NDUFA10: variants seen among roughly 807,000 people sequenced by gnomAD.
NDUFA10 encodes the protein NADH dehydrogenase [ubiquinone] 1 alpha subcomplex subunit 10, mitochondrial.
Under a neutral mutation model 47.8 loss-of-function variants are expected in NDUFA10, and 40 were observed. The observed-to-expected ratio is 0.84, with a 90% CI of 0.65 to 1.09. The LOEUF (loss-of-function observed/expected upper bound fraction) is 1.09. NDUFA10 is among the 50% of genes least tolerant of loss of function. NDUFA10 has a pLI of 0.00. For synonymous variants in NDUFA10, 183 were observed against 172.2 expected (o/e 1.06, Z -0.49); for missense variants, 413 against 451.1 (o/e 0.92, Z 0.76).
chr2:240,025,087 G>C, intron 1 of NDUFA10, 140 bp downstream of exon 1: 1 of 795,262 alleles, frequency 1.3e-6, no homozygotes, highest in Non-Finnish European at 1.8e-6. Context: ...AATTCCGGAG[G>C]CAGGAGGGGT....
At chr2:240,000,255 T>C (rs1323516134) in intron 8 of NDUFA10, among the ~76,000 whole-genome samples, 2 of 152,096 alleles carry the variant, frequency 1.3e-5, no homozygotes, top group Non-Finnish European at 2.9e-5. Flanking sequence ...GGCATCATTG[T>C]CACAGGAGGT....
intron 2 of NDUFA10, among the ~76,000 whole-genome samples, chr2:240,021,740 G>A (rs1697632026): frequency 6.6e-6 from 1 of 152,216 alleles, no homozygotes; most frequent in African/African-American, 2.4e-5. Context: ...TGGACACTCA[G>A]CTGCACCAGG....
intron 9 of NDUFA10, among the ~76,000 whole-genome samples, chr2:239,962,064 A>G (rs938676356): frequency 6.6e-5 from 10 of 152,202 alleles, no homozygotes; most frequent in Non-Finnish European, 2.9e-5. Flanking sequence ...CTGAGACGGA[A>G]AGAGGAGTGT....
chr2:239,952,049 C>T (rs1376737923), intron 4 of NDUFA10, among the ~76,000 whole-genome samples: 2 of 151,904 alleles, frequency 1.3e-5, no homozygotes, highest in Non-Finnish European at 2.9e-5. Flanking sequence ...TGCCTGAAGT[C>T]CCACACCCAC....
At chr2:239,941,304 G>A (rs1415010185) in intron 4 of NDUFA10, among the ~76,000 whole-genome samples, 2 of 152,200 alleles carry the variant, frequency 1.3e-5, no homozygotes, top group Non-Finnish European at 2.9e-5. Flanking sequence ...CAATGGGAGT[G>A]GCACATAGGG....
At chr2:239,914,706 T>C (rs193047328) in intron 4 of NDUFA10, among the ~76,000 whole-genome samples, 5 of 18,938 alleles carry the variant, frequency 2.6e-4, no homozygotes, top group Non-Finnish European at 3.5e-4. Flanking sequence ...AGAGAACACA[T>C]ACATAGACAC....
intron 4 of NDUFA10, among the ~76,000 whole-genome samples, chr2:239,937,357 G>T (rs1411865814): frequency 6.6e-6 from 1 of 152,162 alleles, no homozygotes; most frequent in East Asian, 1.9e-4. Context: ...CATGCCCATG[G>T]ACAGTCACTG....
rs547111542 is a variant in NDUFA10, at chr2:239,915,119, C to T, written c.295-19805G>A. 1.5e-4 allele frequency among the ~76,000 whole-genome samples: 15 copies of T among 97,614 alleles called. No individual in the cohort carries two copies. The East Asian group carries it at 3.6e-3, about 23-fold the overall frequency. 64.0% of individuals were successfully genotyped at this position (97,614 alleles called of 152,430 possible). On this transcript the variant is annotated intron_variant, in intron 4 of 5. Coordinates refer to the NDUFA10 transcript ENST00000419408. Reference sequence around the variant, plus strand: ...TACACAAACATACACACACACAGAACACACACATACACAGACACACACAAA... The same window carrying T: ...TACACAAACATACACACACACAGAATACACACATACACAGACACACACAAA...
At chr2:240,010,046 A>G (rs1404215348) in intron 6 of NDUFA10, among the ~76,000 whole-genome samples, 2 of 152,248 alleles carry the variant, frequency 1.3e-5, no homozygotes, top group African/African-American at 4.8e-5. Flanking sequence ...TTCTATGAGA[A>G]AACTTTTAAG....
chr2:239,934,000 G>A (rs1024441056), intron 4 of NDUFA10, among the ~76,000 whole-genome samples: 2 of 152,118 alleles, frequency 1.3e-5, no homozygotes, highest in African/African-American at 4.8e-5. Flanking sequence ...TGGGACTACA[G>A]GTGCACACTG....
At chr2:240,009,189 C>G (rs1263894896) in intron 6 of NDUFA10, among the ~76,000 whole-genome samples, 1 of 152,220 alleles carries the variant, frequency 6.6e-6, no homozygotes, top group African/African-American at 2.4e-5. Context: ...AAGACAGTTA[C>G]AAAACTCGCT....
chr2:239,947,804 C>T (rs764060719), intron 4 of NDUFA10, among the ~76,000 whole-genome samples: 4 of 152,226 alleles, frequency 2.6e-5, no homozygotes, highest in African/African-American at 2.4e-5. Flanking sequence ...TGCCTCAACA[C>T]GCCCACGGCA....
chr2:239,926,169 T>G (rs1574783192), intron 4 of NDUFA10, among the ~76,000 whole-genome samples: 3 of 152,356 alleles, frequency 2.0e-5, no homozygotes, highest in African/African-American at 7.2e-5. Flanking sequence ...TGAAACTTTC[T>G]GTCTACACAA....
chr2:239,939,562 T>C (rs975700231), intron 4 of NDUFA10, among the ~76,000 whole-genome samples: 1 of 152,238 alleles, frequency 6.6e-6, no homozygotes, highest in African/African-American at 2.4e-5. Context: ...ATAAAGATTA[T>C]ACAAGTTCAT....
At chr2:239,963,367 T>C (rs1179076779) in intron 9 of NDUFA10, among the ~76,000 whole-genome samples, 1 of 152,216 alleles carries the variant, frequency 6.6e-6, no homozygotes, top group Non-Finnish European at 1.5e-5. Flanking sequence ...CCAACACTGC[T>C]GCTCGAACTA....
intron 8 of NDUFA10, among the ~76,000 whole-genome samples, chr2:240,003,339 T>C (rs1696804333): frequency 1.3e-5 from 2 of 152,132 alleles, no homozygotes; most frequent in African/African-American, 4.8e-5. Flanking sequence ...AGAGCTGCCA[T>C]CTGTAGGCAC....
chr2:239,895,915 G>A (rs756501478), intron 4 of NDUFA10, among the ~76,000 whole-genome samples: 3 of 152,172 alleles, frequency 2.0e-5, no homozygotes, highest in East Asian at 1.9e-4. Flanking sequence ...GGCTTTTCCC[G>A]TCTTCTTTCC....
intron 9 of NDUFA10, among the ~76,000 whole-genome samples, chr2:239,967,357 A>G (rs962289248): frequency 1.3e-5 from 2 of 152,092 alleles, no homozygotes; most frequent in Non-Finnish European, 2.9e-5. Context: ...CTGCTTCTGT[A>G]AATGAGGCCT....
chr2:239,997,411 G>C (rs1282994555), intron 8 of NDUFA10, among the ~76,000 whole-genome samples: 1 of 152,192 alleles, frequency 6.6e-6, no homozygotes, highest in Admixed American at 6.5e-5. Flanking sequence ...AAAATGCAAA[G>C]TAAAACAAAT....
Sources: gnomAD v4.1 joint callset for allele counts (sites outside exome capture counted in the v4.1 genomes callset) on GRCh38, gnomAD v4.1.1 for gene constraint, MANE v1.5 for transcripts, NCBI Gene and HGNC (gene_info 2026-07-23, HGNC 2026-07-21) for gene names.